VSNL1: variants seen among roughly 807,000 people sequenced by gnomAD.
VSNL1 encodes the protein visinin-like protein 1.
In VSNL1, 6 loss-of-function variants were observed where a neutral mutation model predicts 20.4. That is an observed-to-expected ratio of 0.29 (90% CI 0.16 to 0.58). The LOEUF is 0.58. Ranked by LOEUF, VSNL1 falls within the 20% of genes least tolerant of loss-of-function variation. VSNL1 has a pLI of 0.90. For missense variants in VSNL1, 100 were observed against 234.5 expected (o/e 0.43, Z 3.75); for synonymous variants, 93 against 86.4 (o/e 1.08, Z -0.42).
chr2:17,574,278 C>T (rs1664152837), intron 1 of VSNL1, among the ~76,000 whole-genome samples: 1 of 152,050 alleles, frequency 6.6e-6, no homozygotes, highest in South Asian at 2.1e-4. Flanking sequence ...TTTCTCTACC[C>T]CTGAGAATGA....
At chr2:17,577,205 C>T (rs538421531) in intron 1 of VSNL1, among the ~76,000 whole-genome samples, 4 of 152,242 alleles carry the variant, frequency 2.6e-5, no homozygotes, top group South Asian at 4.2e-4. Context: ...TTGAGTGAAC[C>T]GTCACTCTGA....
chr2:17,591,292 C>T (rs909887852), intron 1 of VSNL1, among the ~76,000 whole-genome samples: 1 of 152,208 alleles, frequency 6.6e-6, no homozygotes, highest in African/African-American at 2.4e-5. Flanking sequence ...TGTCTCCCTA[C>T]TCCCTGCTGT....
rs551127230 is a variant in VSNL1 at position 17,553,106 on chromosome 2, AG to A, written c.-6+12190del. 2.6e-5 allele frequency among the ~76,000 whole-genome samples: 4 copies of A among 152,300 alleles called. No homozygotes were observed. The South Asian group carries it at 8.3e-4, about 32-fold the overall frequency. On this transcript the variant is annotated intron_variant, in intron 1 of 3. Transcript: ENST00000295156. ...AACAAGAGGGAGGGAGGAAAGAAAA[AG>A]GAAAAATGGAATAGTAGGCCAAAAA...
In VSNL1 at chr2:17,597,467, C is replaced by T. The variant is rs558627171; in HGVS notation, c.162+5231C>T. Among the ~76,000 whole-genome samples the T allele has an allele frequency of 3.3e-5, 5 of 152,306 alleles. No homozygotes were observed. In the East Asian group the frequency reaches 9.6e-4, roughly 29 times the overall value. On this transcript the variant is annotated intron_variant, in intron 2 of 3. Transcript: ENST00000295156. ...CACCTCTCCTGAGCCTCAGCTTGTG[C>T]CATTGCTCCAAATTTTCTTCTTAGA...
chr2:17,638,658 G>A (rs114723475), intron 2 of VSNL1, among the ~76,000 whole-genome samples: 1 of 152,218 alleles, frequency 6.6e-6, no homozygotes, highest in East Asian at 1.9e-4. Context: ...ACACAGGTGT[G>A]AGCGCCTGCT....
At chr2:17,549,785 T>C (rs2103337947) in intron 1 of VSNL1, among the ~76,000 whole-genome samples, 2 of 152,362 alleles carry the variant, frequency 1.3e-5, no homozygotes, top group Middle Eastern at 6.8e-3. Flanking sequence ...CTTTGATTAA[T>C]TGTATATTTC....
chr2:17,647,309 T>A (rs1270658567), intron 2 of VSNL1, among the ~76,000 whole-genome samples: 8 of 152,290 alleles, frequency 5.3e-5, no homozygotes, highest in African/African-American at 1.9e-4. Flanking sequence ...ACTGGTCTCA[T>A]GCCAACTGCA....
At chr2:17,596,672 C>A (rs1362574985) in intron 2 of VSNL1, among the ~76,000 whole-genome samples, 1 of 152,098 alleles carries the variant, frequency 6.6e-6, no homozygotes, top group Non-Finnish European at 1.5e-5. Context: ...GTTTGACTTT[C>A]AAGATTATTT....
intron 1 of VSNL1, among the ~76,000 whole-genome samples, chr2:17,561,498 C>T (rs538964509): frequency 1.6e-4 from 25 of 152,190 alleles, no homozygotes; most frequent in Admixed American, 4.6e-4. Context: ...TGTGATGAAT[C>T]TTCCAAGCAG....
chr2:17,583,598 T>A (rs564978029), intron 1 of VSNL1, among the ~76,000 whole-genome samples: 1 of 152,294 alleles, frequency 6.6e-6, no homozygotes, highest in African/African-American at 2.4e-5. Flanking sequence ...CACTCCCAGA[T>A]GAAAGGTTAC....
At chr2:17,653,348 T>A (rs73921019) in intron 3 of VSNL1, among the ~76,000 whole-genome samples, 2,824 of 152,326 alleles carry the variant, frequency 0.019, 87 homozygotes, top group African/African-American at 0.064. Flanking sequence ...GCACTTGTTT[T>A]GCTGCCTTCA....
At chr2:17,565,954 G>A (rs775825185) in intron 1 of VSNL1, among the ~76,000 whole-genome samples, 7 of 152,060 alleles carry the variant, frequency 4.6e-5, no homozygotes, top group Admixed American at 1.3e-4. Flanking sequence ...TCTCTCTCCC[G>A]CCACCATGTG....
At chr2:17,647,253 A>C (rs1666018345) in intron 2 of VSNL1, among the ~76,000 whole-genome samples, 1 of 152,206 alleles carries the variant, frequency 6.6e-6, no homozygotes, top group Non-Finnish European at 1.5e-5. Context: ...AAGATAGTTA[A>C]AGCATTACAG....
chr2:17,608,349 T>G (rs1042748758), intron 2 of VSNL1, among the ~76,000 whole-genome samples: 1 of 152,248 alleles, frequency 6.6e-6, no homozygotes, highest in Non-Finnish European at 1.5e-5. Flanking sequence ...GCACGATAAA[T>G]GATGACATCG....
chr2:17,644,930 A>G (rs1665961152), intron 2 of VSNL1, among the ~76,000 whole-genome samples: 1 of 152,238 alleles, frequency 6.6e-6, no homozygotes, highest in South Asian at 2.1e-4. Flanking sequence ...TAGGCCAGGC[A>G]AAATAGGCCT....
intron 2 of VSNL1, among the ~76,000 whole-genome samples, chr2:17,605,082 C>T (rs1013128135): frequency 6.6e-6 from 1 of 152,194 alleles, no homozygotes; most frequent in African/African-American, 2.4e-5. Context: ...GCCTTCACTT[C>T]CCTCATTTTA....
Position 17,628,591 on chromosome 2 carries a change from G to A in VSNL1, c.163-20819G>A, listed in dbSNP as rs902206930. Among the ~76,000 whole-genome samples, 6 of 152,310 alleles carry A rather than the reference G, an allele frequency of 3.9e-5. No individual in the cohort carries two copies. In the South Asian group the frequency reaches 1.2e-3, roughly 32 times the overall value. On this transcript the variant is annotated intron_variant, in intron 2 of 3. Transcript: ENST00000295156. ...AGATTTGTGAGGACTGCAGTAATCTGAGCATTCAGATGTGGTTTCCAAGTT... is the reference window on the plus strand; with the variant it reads ...AGATTTGTGAGGACTGCAGTAATCTAAGCATTCAGATGTGGTTTCCAAGTT...
intron 2 of VSNL1, among the ~76,000 whole-genome samples, chr2:17,603,234 A>C (rs1458048639): frequency 6.6e-6 from 1 of 152,190 alleles, no homozygotes; most frequent in Non-Finnish European, 1.5e-5. Context: ...AACAACAGAA[A>C]TACACTTCTC....
chr2:17,550,644 A>G lies in VSNL1; in HGVS notation c.-6+9726A>G, dbSNP rs541920445. 1.9e-4 allele frequency among the ~76,000 whole-genome samples: 29 copies of G among 152,342 alleles called. 1 individual carries two copies. The highest frequency in any genetic ancestry group is 7.0e-4 in the African/African-American group (29 of 41,582). ...GAATCAGCATGCATATACAGACCCA[A>G]ATAATGTGAGTAAGGACAGTAAGAC... On this transcript the variant is annotated intron_variant, in intron 1 of 3. Transcript: ENST00000295156.
Sources: allele counts gnomAD v4.1 joint callset (sites outside exome capture counted in the v4.1 genomes callset), GRCh38; gene constraint gnomAD v4.1.1; transcripts MANE v1.5; gene names NCBI Gene and HGNC (gene_info 2026-07-23, HGNC 2026-07-21).